TCEA3: variants seen among roughly 807,000 people sequenced by gnomAD.
TCEA3 encodes transcription elongation factor A3, also known as transcription elongation factor A protein 3.
In TCEA3, 36 loss-of-function variants were observed where a neutral mutation model predicts 44.0. The observed-to-expected ratio is 0.82, with a 90% CI of 0.63 to 1.08. The LOEUF is 1.08. Among genes scored for constraint, TCEA3 ranks in the 50% least tolerant of loss-of-function variants. TCEA3 has a pLI of 0.00. For synonymous variants in TCEA3, 162 were observed against 159.7 expected, an observed-to-expected ratio of 1.01 and a Z score of -0.11; for missense variants, 392 against 441.2, an observed-to-expected ratio of 0.89 and a Z score of 1.00.
intron 8 of TCEA3, among the ~76,000 whole-genome samples, chr1:23,391,797 C>T (rs1216555986): frequency 6.6e-6 from 1 of 152,048 alleles, no homozygotes; most frequent in African/African-American, 2.4e-5. Context: ...GTGGCACACC[C>T]CTGTAATCCC....
At chr1:23,408,585 G>T in intron 5 of TCEA3, 79 bp downstream of exon 5, 1 of 1,429,116 alleles carries the variant, frequency 7.0e-7, no homozygotes, top group Non-Finnish European at 9.6e-7. Flanking sequence ...CCTCTGCCTT[G>T]GGCTTCCTCC....
chr1:23,423,945 C>T, intron 1 of TCEA3: 1 of 447,446 alleles, frequency 2.2e-6, no homozygotes, highest in Non-Finnish European at 4.5e-6. Context: ...CGCGGGCCCC[C>T]GCACCTGTTC....
At chr1:23,406,977 T>C (rs1333383610) in intron 5 of TCEA3, among the ~76,000 whole-genome samples, 1 of 152,200 alleles carries the variant, frequency 6.6e-6, no homozygotes, top group African/African-American at 2.4e-5. Flanking sequence ...TGTAGCCTCA[T>C]ATAATCCAAC....
intron 1 of TCEA3, among the ~76,000 whole-genome samples, chr1:23,421,647 T>C (rs1249817782): frequency 6.6e-6 from 1 of 152,238 alleles, no homozygotes; most frequent in East Asian, 1.9e-4. Context: ...CATTATATAA[T>C]ATTTCCACTG....
At chr1:23,394,119 C>T (rs895957777) in intron 7 of TCEA3, 86 bp from the exon 8 acceptor site, 1 of 1,493,866 alleles carries the variant, frequency 6.7e-7, no homozygotes, top group African/African-American at 1.4e-5. Context: ...GCTCCAGAAC[C>T]CTTTCTTCCT....
chr1:23,403,111 C>T (rs949088855), intron 5 of TCEA3, among the ~76,000 whole-genome samples: 3 of 152,268 alleles, frequency 2.0e-5, no homozygotes, highest in Non-Finnish European at 2.9e-5. Flanking sequence ...CTGACCTGTG[C>T]GTGCCATTGC....
intron 4 of TCEA3, among the ~76,000 whole-genome samples, chr1:23,415,116 G>A (rs913709430): frequency 1.4e-4 from 21 of 149,942 alleles, no homozygotes; most frequent in South Asian, 2.1e-4. Context: ...CTCTGCTCCC[G>A]GGTTCAAGTG....
chr1:23,402,495 A>G (rs1324848158), intron 5 of TCEA3, among the ~76,000 whole-genome samples: 1 of 152,130 alleles, frequency 6.6e-6, no homozygotes, highest in Non-Finnish European at 1.5e-5. Context: ...TTCCTTAAAC[A>G]TACCCATCCC....
intron 10 of TCEA3, chr1:23,383,741 T>A: frequency 2.0e-6 from 2 of 985,634 alleles, no homozygotes; most frequent in Non-Finnish European, 2.4e-6. Flanking sequence ...ACTCTGTTCC[T>A]TCAGGAGACT....
At chr1:23,396,174 G>T (rs573184868) in intron 7 of TCEA3, among the ~76,000 whole-genome samples, 14 of 152,250 alleles carry the variant, frequency 9.2e-5, no homozygotes, top group Admixed American at 4.6e-4. Flanking sequence ...AGATGGAAAC[G>T]CAAATTTGTC....
At chr1:23,416,483 T>G (rs1639892821) in intron 4 of TCEA3, among the ~76,000 whole-genome samples, 1 of 152,060 alleles carries the variant, frequency 6.6e-6, no homozygotes, top group Non-Finnish European at 1.5e-5. Context: ...TTATAATATA[T>G]GTCTTGGTTT....
intron 1 of TCEA3, among the ~76,000 whole-genome samples, chr1:23,420,896 T>A (rs1640044127): frequency 1.3e-5 from 2 of 152,312 alleles, no homozygotes; most frequent in South Asian, 4.1e-4. Flanking sequence ...CATACCTGCC[T>A]GCTGTCCTGA....
chr1:23,420,526 G>T (rs1640031621), intron 1 of TCEA3, among the ~76,000 whole-genome samples: 1 of 152,210 alleles, frequency 6.6e-6, no homozygotes, highest in Non-Finnish European at 1.5e-5. Flanking sequence ...TTACAGGCGT[G>T]AGCCACCACA....
At chr1:23,390,367 A>G (rs1425065533) in intron 8 of TCEA3, among the ~76,000 whole-genome samples, 1 of 151,936 alleles carries the variant, frequency 6.6e-6, no homozygotes, top group Non-Finnish European at 1.5e-5. Flanking sequence ...TGCAGTCCTA[A>G]CTACTTGGGA....
At chr1:23,401,216 C>T (rs1057321312) in intron 5 of TCEA3, among the ~76,000 whole-genome samples, 1 of 152,164 alleles carries the variant, frequency 6.6e-6, no homozygotes, top group African/African-American at 2.4e-5. Flanking sequence ...TTTGCATTCT[C>T]TAGAGACTTG....
At chr1:23,408,027 T>A (rs929592957) in intron 5 of TCEA3, among the ~76,000 whole-genome samples, 1 of 152,148 alleles carries the variant, frequency 6.6e-6, no homozygotes, top group African/African-American at 2.4e-5. Context: ...AGTGGCGCGA[T>A]CTCGGCTCAC....
chr1:23,409,691 G>A (rs2148573931), intron 4 of TCEA3, among the ~76,000 whole-genome samples: 1 of 152,156 alleles, frequency 6.6e-6, no homozygotes, highest in East Asian at 1.9e-4. Flanking sequence ...GGGACTTACA[G>A]GCGTGTGCCA....
chr1:23,402,988 T>C (rs1280835260), intron 5 of TCEA3, among the ~76,000 whole-genome samples: 1 of 152,146 alleles, frequency 6.6e-6, no homozygotes, highest in Admixed American at 6.5e-5. Flanking sequence ...TCTCTGGGCC[T>C]AAGAGAGGGA....
chr1:23,411,244 T>A (rs762836415), intron 4 of TCEA3: 18 of 151,336 alleles, frequency 1.2e-4, no homozygotes, highest in Non-Finnish European at 2.1e-4. Flanking sequence ...GCAACCTCCA[T>A]CCCCTGGGTT....
Sources: allele counts gnomAD v4.1 joint callset (sites outside exome capture counted in the v4.1 genomes callset), GRCh38; gene constraint gnomAD v4.1.1; transcripts MANE v1.5; gene names NCBI Gene and HGNC (gene_info 2026-07-23, HGNC 2026-07-21).